The following CCDC198 variants were observed in gnomAD, a reference collection of about 807,000 sequenced individuals.
CCDC198 encodes the protein factor associated with metabolism and energy.
A neutral mutation model predicts 35.6 loss-of-function variants in CCDC198; 18 were observed. The observed-to-expected ratio is 0.51, with a 90% CI of 0.35 to 0.75. CCDC198 has a LOEUF of 0.75. Ranked by LOEUF, CCDC198 falls within the 30% of genes least tolerant of loss-of-function variation. CCDC198 has a pLI of 0.01. For missense variants in CCDC198, 365 were observed against 343.7 expected (o/e 1.06, Z -0.49); for synonymous variants, 119 against 113.4 (o/e 1.05, Z -0.31).
chr14:57,481,355 A>G (rs570974831), intron 4 of CCDC198, among the ~76,000 whole-genome samples: 1 of 152,340 alleles, frequency 6.6e-6, no homozygotes, highest in Non-Finnish European at 1.5e-5. Flanking sequence ...ATACACAGAT[A>G]CAAACTTAGA....
At position 57,470,488 on chromosome 14, in the gene CCDC198, G is replaced by A. The variant is rs2066794718; in HGVS notation, c.*867C>T. ...CAAGTAGCTGGGATTACAGACGAAT[G>A]CCACCATGTCTGGCTAATTTTTGTA... On this transcript the variant is annotated 3_prime_UTR_variant, in exon 6 of 6. Transcript: ENST00000216445. 1 of 152,056 alleles carries A rather than the reference G, an allele frequency of 6.6e-6. No homozygotes were observed. Among genetic ancestry groups the A allele is most frequent in the South Asian group, 2.1e-4 (1 of 4,832 alleles). The allele number at this position is 152,056 out of a possible 1,614,324, so 9.4% of individuals were successfully genotyped here.
intron 5 of CCDC198, chr14:57,478,632 G>C: frequency 1.0e-6 from 1 of 994,846 alleles, no homozygotes; most frequent in Non-Finnish European, 1.2e-6. Context: ...ACTCTTAAAT[G>C]TCTAACTTTA....
chr14:57,486,362 A>G (rs2067357710), intron 2 of CCDC198, among the ~76,000 whole-genome samples: 1 of 152,174 alleles, frequency 6.6e-6, no homozygotes, highest in Non-Finnish European at 1.5e-5. Context: ...TTGAACAGCT[A>G]GAAAGTGGCA....
At chr14:57,477,526 A>C (rs1024251805) in intron 5 of CCDC198, among the ~76,000 whole-genome samples, 2 of 152,216 alleles carry the variant, frequency 1.3e-5, no homozygotes, top group Non-Finnish European at 2.9e-5. Flanking sequence ...TGTTACAAAG[A>C]AAAAGATTCT....
chr14:57,472,111 A>C (rs2066841546), intron 5 of CCDC198, among the ~76,000 whole-genome samples: 2 of 152,178 alleles, frequency 1.3e-5, no homozygotes, highest in Non-Finnish European at 2.9e-5. Context: ...TGGTTGTCAC[A>C]ATAATGCCCA....
intron 5 of CCDC198, chr14:57,480,151 G>T: frequency 2.4e-6 from 1 of 412,772 alleles, no homozygotes; most frequent in Non-Finnish European, 3.3e-6. Context: ...AATTCTGAAT[G>T]TGCCAAAGAG....
rs137912380 is a variant in CCDC198, at chr14:57,486,534, G to T, written c.307-3383C>A. On this transcript the variant is annotated intron_variant, in intron 2 of 5. Coordinates refer to ENST00000216445, the MANE Select transcript of CCDC198 (RefSeq NM_018168.4). ...GAGATTGAGATTCAACAGGTCTGGG[G>T]TATGTCCTGGAAATAAATATTTTCA... Among the ~76,000 whole-genome samples the T allele has an allele frequency of 2.3e-3, 354 of 152,096 alleles. 1 individual carries two copies. Among genetic ancestry groups the T allele is most frequent in the African/African-American group, 8.0e-3 (331 of 41,500 alleles).
At chr14:57,478,933 C>T (rs950829009) in intron 5 of CCDC198, 20 of 1,278,472 alleles carry the variant, frequency 1.6e-5, no homozygotes, top group African/African-American at 7.6e-5. Context: ...GCTCTCTCAG[C>T]GGTGGGTCAG....
At chr14:57,475,936 G>A (rs961864614) in intron 5 of CCDC198, among the ~76,000 whole-genome samples, 1 of 150,902 alleles carries the variant, frequency 6.6e-6, no homozygotes, top group South Asian at 2.1e-4. Context: ...CCAGTAGTTG[G>A]GATTACAGGC....
intron 2 of CCDC198, among the ~76,000 whole-genome samples, chr14:57,485,043 A>G (rs72722874): frequency 6.6e-6 from 1 of 152,148 alleles, no homozygotes; most frequent in Non-Finnish European, 1.5e-5. Context: ...GGGTGTTATC[A>G]TACCCTGTGA....
chr14:57,493,521 T>C lies in CCDC198; in HGVS notation c.195A>G (p.Gln65=), dbSNP rs565692988. 7.4e-6 allele frequency: 12 copies of C among 1,613,958 alleles called. No individual in the cohort carries two copies. The highest frequency in any genetic ancestry group is 6.6e-5 in the South Asian group (6 of 91,084). Residue 65 remains glutamine (Q), a synonymous_variant, in exon 1 of 6, where the codon CAA becomes CAG. Coordinates refer to ENST00000216445, the MANE Select transcript of CCDC198 (RefSeq NM_018168.4). ...KALEGQLPPL[Q]ENWYGRYSTA... ...TAGAATATCTTCCATACCAGTTTTC[T>C]TGTAAAGGTGGCAGCTGCCCTTCCA...
At chr14:57,489,098 C>T (rs2067471057) in intron 2 of CCDC198, among the ~76,000 whole-genome samples, 1 of 152,158 alleles carries the variant, frequency 6.6e-6, no homozygotes. Context: ...GCACTGTTCA[C>T]AATAGCAAAG....
intron 5 of CCDC198, among the ~76,000 whole-genome samples, chr14:57,475,033 G>A (rs932561288): frequency 3.9e-5 from 6 of 152,046 alleles, no homozygotes; most frequent in African/African-American, 9.7e-5. Flanking sequence ...AGGCCGAGGC[G>A]GGCGGATCAC....
Position 57,488,729 on chromosome 14 carries a change from C to G in CCDC198, c.306+2260G>C, listed in dbSNP as rs573529053. 3.4e-4 allele frequency among the ~76,000 whole-genome samples: 51 copies of G among 152,218 alleles called. 1 individual carries two copies. In the South Asian group the frequency reaches 0.01, roughly 30 times the overall value. The stretch of plus-strand genomic sequence containing the variant: ...AAAGTGGGCAAAGGACATGAACAGA[C>G]ACTTCTCAAAAGAAGACATGCATAC... On this transcript the variant is annotated intron_variant, in intron 2 of 5. Transcript: ENST00000216445.
In CCDC198 at chr14:57,493,507, C is replaced by G; in HGVS notation, c.209G>C (p.Gly70Ala). ...QLPPLQENWY[G>A]RYSTASRDMY... ...TTTATGTTTACCTGTAGAATATCTT[C>G]CATACCAGTTTTCTTGTAAAGGTGG... Residue 70 changes from glycine to alanine, a missense_variant, in exon 1 of 6, where the codon GGA becomes GCA. Coordinates refer to ENST00000216445, the MANE Select transcript of CCDC198 (RefSeq NM_018168.4). 6.2e-7 allele frequency: 1 copy of G among 1,613,730 alleles called. No individual in the cohort carries two copies. Among genetic ancestry groups the G allele is most frequent in the Non-Finnish European group, 8.5e-7 (1 of 1,179,722 alleles).
intron 2 of CCDC198, among the ~76,000 whole-genome samples, chr14:57,486,087 C>T (rs953567946): frequency 1.3e-5 from 2 of 151,936 alleles, no homozygotes; most frequent in Admixed American, 6.6e-5. Context: ...GGAGAGGAGC[C>T]CCTCAAGGCA....
At position 57,475,793 on chromosome 14, in the gene CCDC198, T is replaced by TTG. The variant is rs1250416749; in HGVS notation, c.656-4204_656-4203insCA. The stretch of plus-strand genomic sequence containing the variant: ...ATTTGTACGGCACTTAGCTTCTTTT[T>TTG]TTTTTTTTTTTTTTTTTTTTTTTTT... On this transcript the variant is annotated intron_variant, in intron 5 of 5. Transcript: ENST00000216445. The TTG allele has an allele frequency of 8.3e-4, 113 of 136,762 alleles. No individual in the cohort carries two copies. The African/African-American group carries it at 0.012, about 15-fold the overall frequency. 8.5% of individuals were successfully genotyped at this position (136,762 alleles called of 1,614,324 possible).
intron 3 of CCDC198, among the ~76,000 whole-genome samples, chr14:57,481,874 G>GT (rs936900577): frequency 6.6e-6 from 1 of 152,108 alleles, no homozygotes; most frequent in Non-Finnish European, 1.5e-5. Context: ...TATATATGTA[G>GT]TTTTTTAGGT....
In CCDC198 at chr14:57,493,627, C is replaced by A. The variant is rs149223383; in HGVS notation, c.89G>T (p.Arg30Leu). Residue 30 changes from arginine (R) to leucine (L), a missense_variant, in exon 1 of 6, where the codon CGT becomes CTT. Transcript: ENST00000216445. ...ATTCTGATTGAATGCAAAGTCCACA[C>A]GGCCAGCCGAGGGAGTCTCTACCTC... is the stretch of plus-strand genomic sequence containing the variant. ...NKEVETPSAG[R>L]VDFAFNQNLE... is the part of the protein sequence containing the mutation. The A allele has an allele frequency of 2.0e-4, 322 of 1,613,950 alleles. No homozygotes were observed. The African/African-American group carries it at 3.7e-3, about 19-fold the overall frequency.
Sources: allele counts gnomAD v4.1 joint callset (sites outside exome capture counted in the v4.1 genomes callset), GRCh38; gene constraint gnomAD v4.1.1; transcripts MANE v1.5; gene names NCBI Gene and HGNC (gene_info 2026-07-23, HGNC 2026-07-21).